DLC1: variants seen among roughly 807,000 people sequenced by gnomAD.
DLC1 encodes the protein DLC1 Rho GTPase activating protein.
A neutral mutation model predicts 140.3 loss-of-function variants in DLC1; 54 were observed. The ratio of observed to expected loss-of-function variants is 0.38; its 90% CI spans 0.31 to 0.48. The LOEUF (loss-of-function observed/expected upper bound fraction) is 0.48. Among genes scored for constraint, DLC1 ranks in the 20% least tolerant of loss-of-function variants. DLC1 has a pLI of 0.96. For synonymous variants in DLC1, 986 were observed against 728.1 expected (o/e 1.35, Z -5.70); for missense variants, 2,536 against 1,907.0 (o/e 1.33, Z -6.14).
chr8:13,269,350 G>GGAA (rs2117372582), intron 5 of DLC1, among the ~76,000 whole-genome samples: 1 of 152,200 alleles, frequency 6.6e-6, no homozygotes, highest in East Asian at 1.9e-4. Context: ...TGAGCTACAG[G>GGAA]GAAGAGCACA....
chr8:13,580,004 G>A (rs1013189202), intron 1 of DLC1, among the ~76,000 whole-genome samples: 9 of 152,144 alleles, frequency 5.9e-5, no homozygotes, highest in African/African-American at 1.7e-4. Context: ...CCAGGCACAT[G>A]AGTTAATCTC....
At chr8:13,150,213 A>G (rs188814508) in intron 5 of DLC1, among the ~76,000 whole-genome samples, 101 of 152,350 alleles carry the variant, frequency 6.6e-4, no homozygotes, top group Non-Finnish European at 1.1e-3. Flanking sequence ...GGCTTCTCAC[A>G]TTACATCTAT....
At chr8:13,261,102 G>A (rs1830453415) in intron 5 of DLC1, among the ~76,000 whole-genome samples, 1 of 152,196 alleles carries the variant, frequency 6.6e-6, no homozygotes, top group Non-Finnish European at 1.5e-5. Flanking sequence ...CCTCACAGGG[G>A]AACTTACATT....
At chr8:13,574,500 C>T (rs187801858) in intron 1 of DLC1, among the ~76,000 whole-genome samples, 1 of 152,048 alleles carries the variant, frequency 6.6e-6, no homozygotes, top group Non-Finnish European at 1.5e-5. Flanking sequence ...ATAGAAAGCT[C>T]ATCAGATGAG....
At chr8:13,310,531 G>A (rs767935050) in intron 4 of DLC1, among the ~76,000 whole-genome samples, 7 of 152,180 alleles carry the variant, frequency 4.6e-5, no homozygotes, top group Non-Finnish European at 5.9e-5. Context: ...CCCATTGTGG[G>A]CACATGGGCA....
chr8:13,151,440 C>G (rs1209304791), intron 5 of DLC1, among the ~76,000 whole-genome samples: 1 of 152,178 alleles, frequency 6.6e-6, no homozygotes, highest in African/African-American at 2.4e-5. Context: ...AGGTGGTAAA[C>G]AGTAGAACTG....
At chr8:13,598,333 G>T (rs1300638730) in intron 1 of DLC1, among the ~76,000 whole-genome samples, 1 of 151,510 alleles carries the variant, frequency 6.6e-6, no homozygotes, top group Non-Finnish European at 1.5e-5. Flanking sequence ...GCCTGGGACA[G>T]GGAGGAAACA....
In DLC1 at chr8:13,471,707, G is replaced by C. The variant is rs147274163; in HGVS notation, c.1023+27342C>G. 7.8e-3 allele frequency among the ~76,000 whole-genome samples: 1,183 copies of C among 151,892 alleles called. 7 individuals carry two copies. The highest frequency in any genetic ancestry group is 0.013 in the Non-Finnish European group (881 of 67,974). On this transcript the variant is annotated intron_variant, in intron 2 of 17. Transcript: ENST00000276297. ...AAATAAAAGTTAAAAAAAGAGAGAA[G>C]GGAGAGAGAAAGGGCAGGATGAAAG...
At chr8:13,317,451 A>G (rs1011298252) in intron 4 of DLC1, among the ~76,000 whole-genome samples, 2 of 152,244 alleles carry the variant, frequency 1.3e-5, no homozygotes, top group Non-Finnish European at 2.9e-5. Flanking sequence ...CTAACTAAAC[A>G]TTTTACAAAA....
chr8:13,156,599 G>A (rs1370462698), intron 5 of DLC1, among the ~76,000 whole-genome samples: 2 of 152,108 alleles, frequency 1.3e-5, no homozygotes, highest in African/African-American at 4.8e-5. Flanking sequence ...TTCCTTCCAG[G>A]GCGTAATCAT....
intron 5 of DLC1, among the ~76,000 whole-genome samples, chr8:13,142,053 A>T (rs1421785514): frequency 1.3e-5 from 2 of 152,066 alleles, no homozygotes; most frequent in Admixed American, 6.6e-5. Flanking sequence ...ACGAGATCTG[A>T]TGGTTTTATA....
chr8:13,153,233 G>A (rs529123348), intron 5 of DLC1, among the ~76,000 whole-genome samples: 1 of 152,204 alleles, frequency 6.6e-6, no homozygotes, highest in South Asian at 2.1e-4. Context: ...TCGTGGTCTC[G>A]CAGGCTTCTG....
chr8:13,477,156 A>G (rs533215933), intron 2 of DLC1, among the ~76,000 whole-genome samples: 1 of 152,334 alleles, frequency 6.6e-6, no homozygotes, highest in African/African-American at 2.4e-5. Context: ...CTCTGCCTTC[A>G]AAGAGCATGT....
At chr8:13,561,906 G>A (rs1280312359) in intron 1 of DLC1, among the ~76,000 whole-genome samples, 1 of 152,062 alleles carries the variant, frequency 6.6e-6, no homozygotes, top group African/African-American at 2.4e-5. Flanking sequence ...AGCAATTACT[G>A]ACATAAAAAT....
intron 5 of DLC1, among the ~76,000 whole-genome samples, chr8:13,174,173 T>C (rs1192307321): frequency 6.6e-6 from 1 of 152,198 alleles, no homozygotes; most frequent in Admixed American, 6.5e-5. Context: ...GCATCATCCA[T>C]GTTGCTGCAA....
chr8:13,437,865 A>G (rs1288110490), intron 2 of DLC1, among the ~76,000 whole-genome samples: 2 of 152,154 alleles, frequency 1.3e-5, no homozygotes, highest in South Asian at 2.1e-4. Flanking sequence ...TTTGATGCTG[A>G]CACAGCTTCT....
intron 3 of DLC1, among the ~76,000 whole-genome samples, chr8:13,397,034 T>C (rs1454428422): frequency 1.3e-5 from 2 of 151,926 alleles, no homozygotes; most frequent in African/African-American, 4.8e-5. Context: ...CCTCCAGTTA[T>C]GCCATTCTTT....
At chr8:13,468,811 C>CTTT (rs78775803) in intron 2 of DLC1, among the ~76,000 whole-genome samples, 1,279 of 89,910 alleles carry the variant, frequency 0.014, 41 homozygotes, top group East Asian at 0.027. Context: ...TTTATGTCTG[C>CTTT]TTTTTTTTTT....
At chr8:13,491,736 G>C (rs1162308905) in intron 2 of DLC1, among the ~76,000 whole-genome samples, 1 of 152,092 alleles carries the variant, frequency 6.6e-6, no homozygotes, top group Non-Finnish European at 1.5e-5. Flanking sequence ...CTTCCCTCAT[G>C]TCCTGATTTA....
Sources: gnomAD v4.1 joint callset for allele counts (sites outside exome capture counted in the v4.1 genomes callset) on GRCh38, gnomAD v4.1.1 for gene constraint, MANE v1.5 for transcripts, NCBI Gene and HGNC (gene_info 2026-07-23, HGNC 2026-07-21) for gene names.